PIBF1: variants seen among roughly 807,000 people sequenced by gnomAD.
PIBF1 encodes the protein progesterone immunomodulatory binding factor 1.
PIBF1 carries 90 observed loss-of-function variants against 112.5 expected under a neutral mutation model. The ratio of observed to expected loss-of-function variants is 0.80; its 90% CI spans 0.67 to 0.95. The LOEUF is 0.95. Among genes scored for constraint, PIBF1 ranks in the 40% least tolerant of loss-of-function variants. PIBF1 has a pLI of 0.00. For missense variants in PIBF1, 915 were observed against 852.3 expected (o/e 1.07, Z -0.92); for synonymous variants, 301 against 288.6 (o/e 1.04, Z -0.44).
intron 16 of PIBF1, among the ~76,000 whole-genome samples, chr13:72,986,827 A>C (rs2043304790): frequency 6.6e-6 from 1 of 151,950 alleles, no homozygotes; most frequent in African/African-American, 2.4e-5. Context: ...AGTAGCTGGG[A>C]CTACAGGCGC....
intron 15 of PIBF1, among the ~76,000 whole-genome samples, chr13:72,968,443 A>G (rs1055862074): frequency 7.9e-5 from 12 of 151,278 alleles, no homozygotes; most frequent in Non-Finnish European, 1.2e-4. Context: ...TGGGATAACA[A>G]GCACCCACCA....
intron 7 of PIBF1, 106 bp downstream of exon 7, chr13:72,827,224 T>G: frequency 6.3e-6 from 2 of 318,480 alleles, no homozygotes; most frequent in Non-Finnish European, 5.7e-6. Context: ...ATGTAGTTCC[T>G]CCCAAAAAGA....
At chr13:72,846,816 G>A (rs548306852) in intron 9 of PIBF1, among the ~76,000 whole-genome samples, 26 of 152,104 alleles carry the variant, frequency 1.7e-4, no homozygotes, top group Admixed American at 6.5e-4. Context: ...TTTCCTACTA[G>A]AATGTGATCT....
chr13:72,827,980 T>C (rs2036902125), intron 8 of PIBF1, 66 bp downstream of exon 8: 2 of 1,157,508 alleles, frequency 1.7e-6, no homozygotes, highest in African/African-American at 1.6e-5. Context: ...AGGGAACTCT[T>C]GGCTTTGGGG....
intron 16 of PIBF1, among the ~76,000 whole-genome samples, chr13:72,996,092 G>GT (rs981840296): frequency 8.2e-6 from 1 of 121,934 alleles, no homozygotes; most frequent in Non-Finnish European, 1.7e-5. Context: ...AAAAGCGGGG[G>GT]GGGGGGGTCA....
At chr13:72,995,531 GAAAAA>G (rs35427297) in intron 16 of PIBF1, among the ~76,000 whole-genome samples, 2 of 152,050 alleles carry the variant, frequency 1.3e-5, no homozygotes, top group East Asian at 3.9e-4. Context: ...ATCAGTGGGG[GAAAAA>G]ATGGTCTCTT....
intron 16 of PIBF1, among the ~76,000 whole-genome samples, chr13:72,974,548 A>T (rs1201196219): frequency 6.6e-6 from 1 of 152,180 alleles, no homozygotes; most frequent in Non-Finnish European, 1.5e-5. Context: ...TAATATATTG[A>T]CCTCAAGTGA....
intron 8 of PIBF1, 29 bp downstream of exon 8, chr13:72,827,943 T>C (rs768806373): frequency 3.4e-6 from 5 of 1,453,904 alleles, no homozygotes; most frequent in African/African-American, 1.4e-5. Context: ...CCCACGTAAA[T>C]AGATACCAAT....
At position 72,973,623 on chromosome 13, in the gene PIBF1, A is replaced by G. The variant is rs761039267; in HGVS notation, c.1997A>G (p.Gln666Arg). The G allele has an allele frequency of 6.3e-7, 1 of 1,577,958 alleles. No individual in the cohort carries two copies. Among genetic ancestry groups the G allele is most frequent in the Admixed American group, 1.9e-5 (1 of 52,724 alleles). ...AATAAAGAAAAGTCAGCTTTACTAC[A>G]GACGAAGAATCAAATGGCATTAGAT... ...NLNKEKSALL[Q>R]TKNQMALDLE... Residue 666 changes from glutamine (Q) to arginine (R), a missense_variant, in exon 16 of 18, where the codon CAG becomes CGG. Transcript: ENST00000326291.
intron 17 of PIBF1, among the ~76,000 whole-genome samples, chr13:73,005,267 A>C (rs898807860): frequency 8.6e-5 from 13 of 152,044 alleles, no homozygotes; most frequent in Admixed American, 7.9e-4. Flanking sequence ...AGCCTGGGCA[A>C]AAACTTTTGT....
chr13:72,976,930 A>T (rs938214693), intron 16 of PIBF1, among the ~76,000 whole-genome samples: 2 of 152,100 alleles, frequency 1.3e-5, no homozygotes, highest in African/African-American at 4.8e-5. Flanking sequence ...AGGACACATG[A>T]TGTAAGGAGG....
intron 17 of PIBF1, among the ~76,000 whole-genome samples, chr13:73,014,494 T>TG (rs1350418528): frequency 6.6e-6 from 1 of 152,222 alleles, no homozygotes; most frequent in African/African-American, 2.4e-5. Context: ...GGTGGATGCC[T>TG]GTCTATAGAC....
At chr13:72,973,343 G>A (rs1401495282) in intron 15 of PIBF1, among the ~76,000 whole-genome samples, 1 of 149,390 alleles carries the variant, frequency 6.7e-6, no homozygotes, top group Non-Finnish European at 1.5e-5. Flanking sequence ...AAAAAAGAAA[G>A]GAAAAGAAAA....
At chr13:72,945,653 T>G (rs1445091566) in intron 14 of PIBF1, among the ~76,000 whole-genome samples, 1 of 152,150 alleles carries the variant, frequency 6.6e-6, no homozygotes, top group Non-Finnish European at 1.5e-5. Flanking sequence ...TGAAAAACTG[T>G]TTTTTAAAAC....
At chr13:72,975,822 A>C (rs929929530) in intron 16 of PIBF1, among the ~76,000 whole-genome samples, 7 of 152,212 alleles carry the variant, frequency 4.6e-5, no homozygotes, top group Non-Finnish European at 7.3e-5. Context: ...TGGAAACCTG[A>C]TTCATTCACT....
At chr13:72,810,921 A>C (rs1318006096) in intron 5 of PIBF1, among the ~76,000 whole-genome samples, 1 of 151,810 alleles carries the variant, frequency 6.6e-6, no homozygotes, top group Non-Finnish European at 1.5e-5. Flanking sequence ...CCTTGGCACA[A>C]TATAGGCTTA....
chr13:72,893,359 G>A lies in PIBF1; in HGVS notation c.1323-425G>A, dbSNP rs562514785. The stretch of plus-strand genomic sequence containing the variant: ...TTTGCAAGTGTTTCAAGAATTTGTA[G>A]TTTAATATGCATATTTCATTGCTTT... On this transcript the variant is annotated intron_variant, in intron 10 of 17. Coordinates refer to ENST00000326291, the MANE Select transcript of PIBF1 (RefSeq NM_006346.4). 7.9e-5 allele frequency among the ~76,000 whole-genome samples: 12 copies of A among 152,080 alleles called. No homozygotes were observed. In the East Asian group the frequency reaches 2.1e-3, roughly 27 times the overall value.
chr13:72,952,104 G>A (rs1031748428), intron 14 of PIBF1, among the ~76,000 whole-genome samples: 2 of 146,562 alleles, frequency 1.4e-5, no homozygotes, highest in East Asian at 2.0e-4. Context: ...ACACAATCGC[G>A]GCTCACTGCA....
intron 10 of PIBF1, among the ~76,000 whole-genome samples, chr13:72,892,733 A>G (rs1276432681): frequency 1.3e-5 from 2 of 149,878 alleles, no homozygotes; most frequent in East Asian, 4.0e-4. Flanking sequence ...CCTGCATATA[A>G]CTCACATTTC....
Sources: allele counts gnomAD v4.1 joint callset (sites outside exome capture counted in the v4.1 genomes callset), GRCh38; gene constraint gnomAD v4.1.1; transcripts MANE v1.5; gene names NCBI Gene and HGNC (gene_info 2026-07-23, HGNC 2026-07-21).